BRME1: variants seen among roughly 807,000 people sequenced by gnomAD.
The protein encoded by BRME1 is break repair meiotic recombinase recruitment factor 1, also known as BRCA2 and MEILB2-associating protein 1.
Under a neutral mutation model 52.6 loss-of-function variants are expected in BRME1, and 31 were observed. The ratio of observed to expected loss-of-function variants is 0.59; its 90% CI spans 0.44 to 0.80. The LOEUF is 0.80. Ranked by LOEUF, BRME1 falls within the 30% of genes least tolerant of loss-of-function variation. BRME1 has a pLI of 0.00. For missense variants in BRME1, 804 were observed against 860.3 expected (o/e 0.93, Z 0.82); for synonymous variants, 359 against 353.6 (o/e 1.02, Z -0.17).
intron 7 of BRME1, among the ~76,000 whole-genome samples, chr19:13,884,323 G>A (rs1968843578): frequency 6.6e-6 from 1 of 151,724 alleles, no homozygotes. Context: ...AACAGAGCAA[G>A]ACTCTATCTA....
intron 2 of BRME1, among the ~76,000 whole-genome samples, chr19:13,900,010 C>T (rs764873205): frequency 2.6e-5 from 4 of 152,144 alleles, no homozygotes; most frequent in Non-Finnish European, 5.9e-5. Flanking sequence ...TCAAAAGAAA[C>T]ACGACCTTGT....
In BRME1 at chr19:13,882,652, C is replaced by T; in HGVS notation, c.*150G>A. 1 of 1,033,528 alleles carries T rather than the reference C, an allele frequency of 9.7e-7. No individual in the cohort carries two copies. Among genetic ancestry groups the T allele is most frequent in the Non-Finnish European group, 1.4e-6 (1 of 700,314 alleles). The allele number at this position is 1,033,528 out of a possible 1,614,324, so 64.0% of individuals were successfully genotyped here. A position where few individuals can be genotyped will look rare whatever the true frequency, so the allele number is the denominator to read the frequency against. On this transcript the variant is annotated 3_prime_UTR_variant, in exon 9 of 9. Transcript: ENST00000586783. ...CCCTGGCCAGGTGAGGCCAGGACCT[C>T]ACGGCCTCCTTTGTGTTGTCCATGG...
chr19:13,883,174 A>G lies in BRME1; in HGVS notation c.1856+134T>C. ...AGGACGGGGGAGGGGGGCCACGGTG[A>G]GGACCCAGCAGCAGTGAGGTGCCTG... On this transcript the variant is annotated intron_variant, in intron 8 of 8. Coordinates refer to ENST00000586783, the MANE Select transcript of BRME1 (RefSeq NM_001345843.2). This position sits in a 1 kb window ranked among gnomAD's most constrained non-coding sequence, Gnocchi z 4.2. 1 of 965,952 alleles carries G rather than the reference A, an allele frequency of 1.0e-6. No homozygotes were observed. Among genetic ancestry groups the G allele is most frequent in the South Asian group, 1.6e-5 (1 of 62,776 alleles). 59.8% of individuals were successfully genotyped at this position (965,952 alleles called of 1,614,324 possible).
At chr19:13,885,624 TC>T (rs2145115398) in intron 7 of BRME1, among the ~76,000 whole-genome samples, 1 of 152,062 alleles carries the variant, frequency 6.6e-6, no homozygotes, top group East Asian at 1.9e-4. Flanking sequence ...CCTGTCTGGG[TC>T]CCCTCCCCTT....
rs1318507930 is a variant in BRME1 at position 13,889,526 on chromosome 19, G to C, written c.1330C>G (p.Pro444Ala). ...DSGHASPDTG[P>A]CVNQKQEPGP... ...GGCTCCTGCTTCTGATTGACACATG[G>C]ACCTGTGTCCGGGGATGCATGACCG... Residue 444 changes from proline (P) to alanine (A), a missense_variant, in exon 6 of 9, where the codon CCA (proline) becomes GCA (alanine). Physicochemically the swap from Pro to Ala is conservative, Grantham distance 27. Coordinates refer to ENST00000586783, the MANE Select transcript of BRME1 (RefSeq NM_001345843.2). 1 of 1,613,880 alleles carries C rather than the reference G, an allele frequency of 6.2e-7. No individual in the cohort carries two copies. Among genetic ancestry groups the C allele is most frequent in the East Asian group, 2.2e-5 (1 of 44,880 alleles).
intron 5 of BRME1, 96 bp from the exon 6 acceptor site, chr19:13,890,558 G>C: frequency 8.0e-7 from 1 of 1,249,320 alleles, no homozygotes. Flanking sequence ...TGCGGGTTTT[G>C]TCATTACTTT....
chr19:13,901,117 T>C (rs964914717), intron 2 of BRME1, among the ~76,000 whole-genome samples: 2 of 151,810 alleles, frequency 1.3e-5, no homozygotes, highest in Non-Finnish European at 2.9e-5. Context: ...GGACTACAGG[T>C]AGGCACCACC....
intron 2 of BRME1, among the ~76,000 whole-genome samples, chr19:13,904,634 G>T (rs1235472818): frequency 6.7e-6 from 1 of 150,122 alleles, no homozygotes; most frequent in African/African-American, 2.5e-5. Context: ...TAGAGACGGG[G>T]TTTCACCATG....
At chr19:13,892,166 A>G (rs1286312343) in intron 5 of BRME1, among the ~76,000 whole-genome samples, 1 of 152,080 alleles carries the variant, frequency 6.6e-6, no homozygotes, top group Admixed American at 6.6e-5. Flanking sequence ...CATAGGCATG[A>G]GCCACTGCAC....
At chr19:13,905,538 G>A (rs989768131) in intron 1 of BRME1, among the ~76,000 whole-genome samples, 177 bp downstream of exon 1, 1 of 151,792 alleles carries the variant, frequency 6.6e-6, no homozygotes, top group Non-Finnish European at 1.5e-5. Flanking sequence ...GTCAGGTGCG[G>A]TGGCACACAC....
Position 13,890,248 on chromosome 19 carries a change from G to A in BRME1, c.608C>T (p.Ala203Val). 6.2e-7 allele frequency: 1 copy of A among 1,614,104 alleles called. No homozygotes were observed. Among genetic ancestry groups the A allele is most frequent in the Non-Finnish European group, 8.5e-7 (1 of 1,180,002 alleles). ...DPPDRGTGLS[A>V]SQRASQDHLS... ...GTGGTCTTGGCTGGCCCTCTGTGAG[G>A]CGGACAACCCCGTCCCCCTGTCTGG... The change falls in exon 6 of 9, where the codon GCC becomes GTC. Residue 203 changes from alanine to valine, a missense_variant. Coordinates refer to ENST00000586783, the MANE Select transcript of BRME1 (RefSeq NM_001345843.2).
intron 3 of BRME1, among the ~76,000 whole-genome samples, chr19:13,894,807 G>A (rs1449864443): frequency 6.6e-6 from 1 of 152,198 alleles, no homozygotes; most frequent in African/African-American, 2.4e-5. Context: ...TGTGGAAGAA[G>A]GATGGGTTTG....
At chr19:13,885,017 TTCAC>T (rs1161620511) in intron 7 of BRME1, 1 of 152,278 alleles carries the variant, frequency 6.6e-6, no homozygotes, top group Non-Finnish European at 1.5e-5. Flanking sequence ...CTCCCGGCTC[TTCAC>T]TCAAACCACA....
chr19:13,893,208 T>C lies in BRME1; in HGVS notation c.222A>G (p.Glu74=), dbSNP rs761137528. The C allele has an allele frequency of 3.2e-6, 5 of 1,584,882 alleles. No homozygotes were observed. In the South Asian group the frequency reaches 5.8e-5, roughly 18 times the overall value. ...GGAGGAGCCGGCAGGGAGATCCTGT[T>C]TCCTCATCAGGGGAGCTATGTAGGA... ...GKAVSSSPDE[E]TGSPCRLLRQ... is the part of the protein sequence containing the mutation. Residue 74 remains glutamate (E), a synonymous_variant, in exon 4 of 9, where the codon GAA becomes GAG. Transcript: ENST00000586783.
Position 13,889,690 on chromosome 19 carries a change from G to A in BRME1, c.1166C>T (p.Ser389Leu), listed in dbSNP as rs146218274. Reference protein sequence around the residue: ...GHRRALPGCTSLTGETTGESG... With the variant: ...GHRRALPGCTLLTGETTGESG... ...TTCTCCTGTGGTTTCCCCAGTGAGC[G>A]AGGTGCAGCCTGGCAAGGCCCTCCT... Residue 389 changes from serine to leucine, a missense_variant, in exon 6 of 9, where the codon TCG (serine) becomes TTG (leucine). Transcript: ENST00000586783. 2.1e-4 allele frequency: 346 copies of A among 1,609,918 alleles called. No homozygotes were observed. In the East Asian group the frequency reaches 3.9e-3, roughly 18 times the overall value.
At chr19:13,886,211 G>A (rs779171389) in intron 6 of BRME1, among the ~76,000 whole-genome samples, 156 bp from the exon 7 acceptor site, 24 of 152,210 alleles carry the variant, frequency 1.6e-4, no homozygotes, top group Non-Finnish European at 2.5e-4. Flanking sequence ...GAGCGGTAAC[G>A]GGGAGGAAAT....
At chr19:13,904,936 AT>A (rs1478342374) in intron 1 of BRME1, 23 bp from the exon 2 acceptor site, 1 of 1,579,822 alleles carries the variant, frequency 6.3e-7, no homozygotes, top group South Asian at 1.1e-5. Flanking sequence ...AAAATCTCTC[AT>A]CATTATAAGC....
chr19:13,888,373 C>T lies in BRME1; in HGVS notation c.1668+815G>A, dbSNP rs138359104. 0.013 allele frequency: 1,980 copies of T among 152,574 alleles called. 34 individuals are homozygous for T. The highest frequency in any genetic ancestry group is 0.045 in the African/African-American group (1,855 of 41,574). The allele number at this position is 152,574 out of a possible 1,614,324, so 9.5% of individuals were successfully genotyped here. A position where few individuals can be genotyped will look rare whatever the true frequency, so the allele number is the denominator to read the frequency against. On this transcript the variant is annotated intron_variant, in intron 6 of 8. Coordinates refer to ENST00000586783, the MANE Select transcript of BRME1 (RefSeq NM_001345843.2). This position sits in a 1 kb window ranked among gnomAD's most constrained non-coding sequence, Gnocchi z 4.1. Reference sequence around the variant, plus strand: ...TCCCACCTGCCTCACCTCTAGCAGGCGCACGAACTCCTCCAGAGTCTTCAC... The same window carrying T: ...TCCCACCTGCCTCACCTCTAGCAGGTGCACGAACTCCTCCAGAGTCTTCAC...
chr19:13,893,130 G>C lies in BRME1; in HGVS notation c.288+12C>G. On this transcript the variant is annotated intron_variant, in intron 4 of 8. Transcript: ENST00000586783. ...GTGCTTCTATATCCACGAGGCCACA[G>C]GACGAGCTCACCTGGGAAGGAGGAA... 6.3e-7 allele frequency: 1 copy of C among 1,592,550 alleles called. No homozygotes were observed. Among genetic ancestry groups the C allele is most frequent in the Non-Finnish European group, 8.5e-7 (1 of 1,169,784 alleles).
Sources: allele counts gnomAD v4.1 joint callset (sites outside exome capture counted in the v4.1 genomes callset), GRCh38; gene constraint gnomAD v4.1.1; non-coding constraint Gnocchi (gnomAD v3.1); transcripts MANE v1.5; gene names NCBI Gene and HGNC (gene_info 2026-07-23, HGNC 2026-07-21).